B3GAT1: variants seen among roughly 807,000 people sequenced by gnomAD.
B3GAT1 encodes the protein galactosylgalactosylxylosylprotein 3-beta-glucuronosyltransferase 1.
A neutral mutation model predicts 28.4 loss-of-function variants in B3GAT1; 11 were observed. The observed-to-expected ratio is 0.39, with a 90% CI of 0.24 to 0.64. The LOEUF (loss-of-function observed/expected upper bound fraction) is 0.64, where lower values mean the gene tolerates loss of function less well. Among genes scored for constraint, B3GAT1 ranks in the 30% least tolerant of loss-of-function variants. B3GAT1 has a pLI of 0.50. For missense variants in B3GAT1, 375 were observed against 491.0 expected, an observed-to-expected ratio of 0.76 and a Z score of 2.23; for synonymous variants, 255 against 223.1, an observed-to-expected ratio of 1.14 and a Z score of -1.27.
At chr11:134,395,056 G>A (rs757341285) in intron 1 of B3GAT1, among the ~76,000 whole-genome samples, 2 of 152,228 alleles carry the variant, frequency 1.3e-5, no homozygotes, top group African/African-American at 2.4e-5. Context: ...CCCGGCTGGT[G>A]TCACTGAAGT....
chr11:134,383,447 G>A (rs1470196037), intron 3 of B3GAT1, among the ~76,000 whole-genome samples: 4 of 152,190 alleles, frequency 2.6e-5, no homozygotes, highest in African/African-American at 9.7e-5. Context: ...TACCTCTAGG[G>A]CCAGGAATAT....
Position 134,412,108 on chromosome 11 carries a change from G to GGGAGCGGGGAGTGGGGAGGT in B3GAT1, c.-584_-583insACCTCCCCACTCCCCGCTCC. 2.8e-5 allele frequency among the ~76,000 whole-genome samples: 3 copies of GGGAGCGGGGAGTGGGGAGGT among 107,662 alleles called. No individual in the cohort carries two copies. The East Asian group carries it at 1.0e-3, about 36-fold the overall frequency. The allele number at this position is 107,662 out of a possible 152,430, so 70.6% of individuals were successfully genotyped here. ...AGGCGGGGGGCGGGGGGCGGGGAGG[G>GGGAGCGGGGAGTGGGGAGGT]GGAGCGGGGAGGGGGAGCGGGGAGC... On this transcript the variant is annotated 5_prime_UTR_variant, in exon 1 of 6. Coordinates refer to ENST00000312527, the MANE Select transcript of B3GAT1 (RefSeq NM_054025.3).
intron 1 of B3GAT1, among the ~76,000 whole-genome samples, chr11:134,404,801 G>C (rs551184794): frequency 6.6e-6 from 1 of 152,252 alleles, no homozygotes; most frequent in Non-Finnish European, 1.5e-5. Context: ...TGTGGGAGAA[G>C]AAGCTAATAT....
At chr11:134,381,833 A>C in intron 5 of B3GAT1, 91 bp downstream of exon 5, 7 of 1,080,918 alleles carry the variant, frequency 6.5e-6, no homozygotes, top group Non-Finnish European at 9.8e-6. Context: ...CTCCACAGTG[A>C]AAGCCCAAGA....
chr11:134,410,872 A>G (rs7108503), intron 1 of B3GAT1, among the ~76,000 whole-genome samples: 32,745 of 152,180 alleles, frequency 0.22, 4,481 homozygotes, highest in African/African-American at 0.39. Flanking sequence ...TCTAGGCCCC[A>G]TTGGGCACCC....
chr11:134,396,823 C>G (rs952078009), intron 1 of B3GAT1, among the ~76,000 whole-genome samples: 1 of 152,154 alleles, frequency 6.6e-6, no homozygotes, highest in African/African-American at 2.4e-5. Flanking sequence ...CCCACGTCAC[C>G]TCCAAAGAAG....
rs137966769 is a variant in B3GAT1 at position 134,382,146 on chromosome 11, T to A, written c.919-122A>T. The A allele has an allele frequency of 6.7e-4, 511 of 761,010 alleles. 4 individuals are homozygous for A. The East Asian group carries it at 9.6e-3, about 14-fold the overall frequency. The allele number at this position is 761,010 out of a possible 1,614,324, so 47.1% of individuals were successfully genotyped here. On this transcript the variant is annotated intron_variant, in intron 4 of 5. Coordinates refer to ENST00000312527, the MANE Select transcript of B3GAT1 (RefSeq NM_054025.3). ...CCCCTCCTTTTCCTTCGAGAGTTTT[T>A]CAATTGTTCCATCAAGATTTTCTCA...
intron 1 of B3GAT1, among the ~76,000 whole-genome samples, chr11:134,410,397 C>G (rs61908710): frequency 6.6e-6 from 1 of 152,190 alleles, no homozygotes; most frequent in Non-Finnish European, 1.5e-5. Context: ...ATTAACTCTC[C>G]CAGTCCCATT....
chr11:134,382,691 G>T lies in B3GAT1; in HGVS notation c.918+19C>A. ...TTGAGACATTGCATCACAGCTGTCA[G>T]TTCTGCGGAGGGTCTCACCTTGGTG... On this transcript the variant is annotated intron_variant, in intron 4 of 5. Coordinates refer to ENST00000312527, the MANE Select transcript of B3GAT1 (RefSeq NM_054025.3). 6.2e-7 allele frequency: 1 copy of T among 1,605,348 alleles called. No individual in the cohort carries two copies. The highest frequency in any genetic ancestry group is 8.5e-7 in the Non-Finnish European group (1 of 1,173,652).
In B3GAT1 at chr11:134,382,850, C is replaced by G; in HGVS notation, c.778G>C (p.Val260Leu). ...PFAIDMAGFA[V>L]NLRLILQRSQ... is the part of the protein sequence containing the mutation. The stretch of plus-strand genomic sequence containing the variant: ...CGCTGCAGAATGAGCCGCAGGTTGA[C>G]GGCAAATCCAGCCATGTCTATTGCA... The change falls in exon 4 of 6, where the codon GTC becomes CTC. Residue 260 changes from valine (V) to leucine (L), a missense_variant. By Grantham distance (32) the Val-to-Leu change is conservative. Coordinates refer to ENST00000312527, the MANE Select transcript of B3GAT1 (RefSeq NM_054025.3). 1 of 1,614,190 alleles carries G rather than the reference C, an allele frequency of 6.2e-7. No homozygotes were observed. The highest frequency in any genetic ancestry group is 8.5e-7 in the Non-Finnish European group (1 of 1,180,024).
intron 1 of B3GAT1, among the ~76,000 whole-genome samples, chr11:134,404,680 C>A (rs1388814590): frequency 6.6e-6 from 1 of 152,300 alleles, no homozygotes; most frequent in East Asian, 1.9e-4. Flanking sequence ...GTACGCCACT[C>A]GGAAGAGTGT....
At chr11:134,383,593 G>A (rs1944188988) in intron 3 of B3GAT1, 87 bp downstream of exon 3, 1 of 1,422,520 alleles carries the variant, frequency 7.0e-7, no homozygotes, top group Non-Finnish European at 9.2e-7. Flanking sequence ...CCCTGCGCGC[G>A]CCTCCGCACC....
In B3GAT1 at chr11:134,402,599, A is replaced by G. The variant is rs565928320; in HGVS notation, c.-282+9208T>C. ...GGTGTCAGCTAACCCCCCTGCCTGAAGAAGAAACAATTAACATAAAATGTT... is the reference window on the plus strand; with the variant it reads ...GGTGTCAGCTAACCCCCCTGCCTGAGGAAGAAACAATTAACATAAAATGTT... On this transcript the variant is annotated intron_variant, in intron 1 of 5. Coordinates refer to ENST00000312527, the MANE Select transcript of B3GAT1 (RefSeq NM_054025.3). Among the ~76,000 whole-genome samples, 8 of 152,178 alleles carry G rather than the reference A, an allele frequency of 5.3e-5. No homozygotes were observed. In the South Asian group the frequency reaches 1.7e-3, roughly 32 times the overall value.
chr11:134,406,780 G>C (rs897742511), intron 1 of B3GAT1, among the ~76,000 whole-genome samples: 1 of 152,132 alleles, frequency 6.6e-6, no homozygotes, highest in East Asian at 1.9e-4. Flanking sequence ...GTTAAGCAAC[G>C]TCCTGAGGCC....
At chr11:134,402,925 A>C (rs2136333774) in intron 1 of B3GAT1, among the ~76,000 whole-genome samples, 1 of 152,134 alleles carries the variant, frequency 6.6e-6, no homozygotes, top group South Asian at 2.1e-4. Context: ...AAAAAAAAAA[A>C]AAAGTCGAAG....
chr11:134,384,041 T>C lies in B3GAT1; in HGVS notation c.260A>G (p.His87Arg), dbSNP rs777500442. 6.2e-7 allele frequency: 1 copy of C among 1,605,606 alleles called. No individual in the cohort carries two copies. Among genetic ancestry groups the C allele is most frequent in the Admixed American group, 1.7e-5 (1 of 59,910 alleles). Reference protein sequence around the residue: ...PPWSDTLPTIHVVTPTYSRPV... With the variant: ...PPWSDTLPTIRVVTPTYSRPV... The stretch of plus-strand genomic sequence containing the variant: ...GCGGCTGTAGGTGGGCGTCACCACG[T>C]GGATGGTGGGCAGCGTGTCGGACCA... The change falls in exon 3 of 6, where the codon CAC becomes CGC. Residue 87 changes from histidine (H) to arginine (R), a missense_variant. Transcript: ENST00000312527.
chr11:134,401,433 A>C (rs553352035), intron 1 of B3GAT1, among the ~76,000 whole-genome samples: 1 of 152,354 alleles, frequency 6.6e-6, no homozygotes, highest in African/African-American at 2.4e-5. Context: ...TTTTTGCAGC[A>C]ACATGGTTGC....
At chr11:134,401,569 G>A (rs1375239500) in intron 1 of B3GAT1, among the ~76,000 whole-genome samples, 1 of 151,832 alleles carries the variant, frequency 6.6e-6, no homozygotes, top group Admixed American at 6.6e-5. Flanking sequence ...ACACTGTGGA[G>A]TCCTAGAGGG....
chr11:134,386,439 G>C (rs1304888527), intron 2 of B3GAT1: 1 of 152,256 alleles, frequency 6.6e-6, no homozygotes, highest in African/African-American at 2.4e-5. Context: ...GAGACAAAGT[G>C]CTGAAGAGCT....
Sources: gnomAD v4.1 joint callset for allele counts (sites outside exome capture counted in the v4.1 genomes callset) on GRCh38, gnomAD v4.1.1 for gene constraint, MANE v1.5 for transcripts, NCBI Gene and HGNC (gene_info 2026-07-23, HGNC 2026-07-21) for gene names.